The following MFSD12 variants were observed in gnomAD, a reference collection of about 807,000 sequenced individuals.
MFSD12 encodes the protein major facilitator superfamily domain containing 12, also known as major facilitator superfamily domain-containing protein 12.
Under a neutral mutation model 51.2 loss-of-function variants are expected in MFSD12, and 67 were observed. The ratio of observed to expected loss-of-function variants is 1.31; its 90% CI spans 1.08 to 1.60. The LOEUF (loss-of-function observed/expected upper bound fraction) is 1.60. MFSD12 is among the 40% of genes most tolerant of loss of function. The pLI is 0.00. For synonymous variants in MFSD12, 441 were observed against 316.7 expected, an observed-to-expected ratio of 1.39 and a Z score of -4.17; for missense variants, 921 against 673.0, an observed-to-expected ratio of 1.37 and a Z score of -4.08.
At chr19:3,538,687 G>C in exon 5 of MFSD12, 2 of 472,898 alleles carry the variant, frequency 4.2e-6, no homozygotes. Flanking sequence ...CCTTCACTGG[G>C]TGTTCGGTGT....
downstream of MFSD12, chr19:3,543,143 C>A: frequency 6.6e-7 from 1 of 1,512,648 alleles, no homozygotes. Context: ...GTGGGCCAGG[C>A]CTCTACATCA....
chr19:3,550,689 CA>C (rs1444232896), intron 2 of MFSD12, among the ~76,000 whole-genome samples: 1 of 151,988 alleles, frequency 6.6e-6, no homozygotes, highest in African/African-American at 2.4e-5. Flanking sequence ...GCCCAGCCTA[CA>C]AAAACTTTAA....
downstream of MFSD12, chr19:3,542,544 GCTTA>G: frequency 1.1e-6 from 1 of 876,112 alleles, no homozygotes; most frequent in Non-Finnish European, 1.4e-6. Flanking sequence ...CACGATCTCA[GCTTA>G]CTGCAAACTC....
In MFSD12 at chr19:3,551,945, A is replaced by G. The variant is rs1429985209; in HGVS notation, c.299-751T>C. On this transcript the variant is annotated intron_variant, in intron 1 of 9. Coordinates refer to ENST00000355415, the MANE Select transcript of MFSD12 (RefSeq NM_174983.5). The surrounding 1 kb of genome is among the most constrained non-coding windows in gnomAD (Gnocchi z 4.6). ...TTTGCATGGGCGTGCCTCTGCCTAG[A>G]GCTCTCTCTCACATCTTAGCAAGAC... 4.0e-5 allele frequency among the ~76,000 whole-genome samples: 6 copies of G among 151,806 alleles called. No homozygotes were observed. Among genetic ancestry groups the G allele is most frequent in the Non-Finnish European group, 5.9e-5 (4 of 67,982 alleles).
downstream of MFSD12, chr19:3,543,901 C>T: frequency 6.4e-7 from 1 of 1,551,088 alleles, no homozygotes; most frequent in South Asian, 1.2e-5. Context: ...CTGTCGGCAC[C>T]CCAGCGCCCG....
At chr19:3,550,581 C>T (rs532330920) in intron 2 of MFSD12, among the ~76,000 whole-genome samples, 10 of 152,154 alleles carry the variant, frequency 6.6e-5, no homozygotes, top group East Asian at 3.9e-4. Context: ...TTAGTAGAGA[C>T]GAGGTTTCAC....
In MFSD12 at chr19:3,550,977, C is replaced by A. The variant is rs374831036; in HGVS notation, c.509+7G>T. The A allele has an allele frequency of 6.2e-6, 10 of 1,609,298 alleles. No homozygotes were observed. In the African/African-American group the frequency reaches 1.2e-4, roughly 19 times the overall value. ...CTGCCCGTGGGGGAGGGTGCCCAGG[C>A]TCCCACCTGAGTGCCGTGAGCTCCA... On this transcript the variant is annotated splice_region_variant and intron_variant, in intron 2 of 9. Coordinates refer to ENST00000355415, the MANE Select transcript of MFSD12 (RefSeq NM_174983.5).
chr19:3,543,220 C>G (rs1007514682), downstream of MFSD12: 9 of 1,539,590 alleles, frequency 5.8e-6, no homozygotes, highest in Non-Finnish European at 7.0e-6. Flanking sequence ...GTCTCTGCCC[C>G]CTGCCCACCC....
At chr19:3,547,820 C>T (rs754944715) in intron 4 of MFSD12, 28 bp downstream of exon 4, 22 of 1,466,904 alleles carry the variant, frequency 1.5e-5, no homozygotes, top group Middle Eastern at 4.2e-4. Flanking sequence ...AGAAGGCCCA[C>T]GCCAGCCCCA....
downstream of MFSD12, chr19:3,539,330 T>C: frequency 1.2e-6 from 1 of 850,510 alleles, no homozygotes; most frequent in East Asian, 4.0e-5. Flanking sequence ...TCAGGTTACA[T>C]GGTGTTTGGT....
In MFSD12 at chr19:3,548,132, G is replaced by A. The variant is rs749113953; in HGVS notation, c.645C>T (p.Pro215=). The A allele has an allele frequency of 1.2e-5, 19 of 1,606,720 alleles. No individual in the cohort carries two copies. The highest frequency in any genetic ancestry group is 8.9e-5 in the East Asian group (4 of 44,782). ...CCGGACTCCAGCTCACCCGGAACAC[G>A]GGCACGTCCTGGCCCCCCAGCTGGT... ...ISDQLGGQDV[P]VFRNLSLLVV... Residue 215 remains proline (P), a synonymous_variant, in exon 3 of 10, where the codon CCC becomes CCT. Coordinates refer to ENST00000355415, the MANE Select transcript of MFSD12 (RefSeq NM_174983.5).
Position 3,544,203 on chromosome 19 carries a change from G to T in MFSD12, c.*507C>A. On this transcript the variant is annotated 3_prime_UTR_variant, in exon 10 of 10. Transcript: ENST00000355415. ...GCAGGCAGACAGGAGCCAGGCTGCC[G>T]TCATCTCTTTATTTGCTGCCAGCAG... 7.4e-7 allele frequency: 1 copy of T among 1,351,658 alleles called. No individual in the cohort carries two copies. The highest frequency in any genetic ancestry group is 1.9e-5 in the South Asian group (1 of 51,796). 83.7% of individuals were successfully genotyped at this position (1,351,658 alleles called of 1,614,324 possible). A position where few individuals can be genotyped will look rare whatever the true frequency, so the allele number is the denominator to read the frequency against.
intron 6 of MFSD12, among the ~76,000 whole-genome samples, chr19:3,547,039 C>T (rs1358395644): frequency 3.9e-5 from 6 of 152,136 alleles, no homozygotes; most frequent in African/African-American, 1.2e-4. Context: ...GGGGTTTCAC[C>T]GTGTTAGCCA....
intron 6 of MFSD12, among the ~76,000 whole-genome samples, chr19:3,547,053 TG>T (rs370855650): frequency 8.5e-5 from 13 of 152,280 alleles, no homozygotes; most frequent in African/African-American, 2.9e-4. Flanking sequence ...TTAGCCAGGA[TG>T]GTCTCGATCT....
At chr19:3,553,871 C>A (rs1480853706) in intron 1 of MFSD12, among the ~76,000 whole-genome samples, 1 of 151,646 alleles carries the variant, frequency 6.6e-6, no homozygotes, top group East Asian at 1.9e-4. Flanking sequence ...CACCTGAGGT[C>A]AGGAGTTCGA....
downstream of MFSD12, among the ~76,000 whole-genome samples, chr19:3,540,503 TC>T (rs1279102872): frequency 1.3e-5 from 2 of 150,574 alleles, no homozygotes; most frequent in Non-Finnish European, 3.0e-5. Flanking sequence ...TGATCTGCCC[TC>T]CTTGGCCTCC....
At chr19:3,543,790 G>C (rs2030675437), downstream of MFSD12, 1 of 1,496,484 alleles carries the variant, frequency 6.7e-7, no homozygotes, top group Non-Finnish European at 9.0e-7. Context: ...CCAACGGCGA[G>C]GAGGTGGGGG....
At chr19:3,543,744 G>A, downstream of MFSD12, 1 of 1,493,390 alleles carries the variant, frequency 6.7e-7, no homozygotes, top group African/African-American at 1.4e-5. Context: ...AGGCCAGGGT[G>A]AAACTGCCCG....
At chr19:3,542,153 T>G (rs2030471009), downstream of MFSD12, 1 of 985,442 alleles carries the variant, frequency 1.0e-6, no homozygotes, top group Non-Finnish European at 1.2e-6. Flanking sequence ...TACATGTGTC[T>G]TGCAATTCAT....
Sources: gnomAD v4.1 joint callset for allele counts (sites outside exome capture counted in the v4.1 genomes callset) on GRCh38, gnomAD v4.1.1 for gene constraint, Gnocchi (gnomAD v3.1) non-coding constraint, MANE v1.5 for transcripts, NCBI Gene and HGNC (gene_info 2026-07-23, HGNC 2026-07-21) for gene names.